Variants in PBX1 observed in about 807,000 individuals in gnomAD.
The protein encoded by PBX1 is PBX homeobox 1.
A neutral mutation model predicts 53.4 loss-of-function variants in PBX1; 6 were observed. That is an observed-to-expected ratio of 0.11 (90% CI 0.06 to 0.22). The LOEUF (loss-of-function observed/expected upper bound fraction) is 0.22, where lower values mean the gene tolerates loss of function less well. PBX1 is among the 10% of genes least tolerant of loss of function. The pLI is 1.00. For missense variants in PBX1, 251 were observed against 551.4 expected, an observed-to-expected ratio of 0.46 and a Z score of 5.46; for synonymous variants, 204 against 212.3, an observed-to-expected ratio of 0.96 and a Z score of 0.34.
intron 2 of PBX1, among the ~76,000 whole-genome samples, chr1:164,649,984 A>T (rs894181575): frequency 3.9e-5 from 6 of 152,178 alleles, no homozygotes; most frequent in African/African-American, 1.4e-4. Context: ...TTGCTTACCA[A>T]ACTCCTCTCT....
intron 2 of PBX1, among the ~76,000 whole-genome samples, chr1:164,688,673 C>T (rs1056509330): frequency 2.6e-5 from 4 of 152,090 alleles, no homozygotes; most frequent in Non-Finnish European, 5.9e-5. Context: ...GACACATGAC[C>T]CTAACAACAC....
At chr1:164,687,955 G>T (rs1662220656) in intron 2 of PBX1, among the ~76,000 whole-genome samples, 1 of 152,168 alleles carries the variant, frequency 6.6e-6, no homozygotes, top group Non-Finnish European at 1.5e-5. Flanking sequence ...CCCTGCAGTG[G>T]AGACCTATTT....
At chr1:164,780,521 G>T (rs1423456454) in intron 2 of PBX1, among the ~76,000 whole-genome samples, 1 of 152,034 alleles carries the variant, frequency 6.6e-6, no homozygotes, top group Admixed American at 6.6e-5. Flanking sequence ...GTAAATTTCA[G>T]CCCCTTAGAC....
chr1:164,580,576 C>G (rs1447839848), intron 2 of PBX1, among the ~76,000 whole-genome samples: 1 of 151,776 alleles, frequency 6.6e-6, no homozygotes, highest in Non-Finnish European at 1.5e-5. Flanking sequence ...CCACCATTCC[C>G]AGCCAAGTTT....
At chr1:164,663,661 C>T (rs1660645507) in intron 2 of PBX1, among the ~76,000 whole-genome samples, 1 of 152,194 alleles carries the variant, frequency 6.6e-6, no homozygotes. Flanking sequence ...TCATCAAACA[C>T]CTTTTTGAGT....
intron 2 of PBX1, among the ~76,000 whole-genome samples, chr1:164,620,762 A>G (rs371728649): frequency 1.8e-4 from 28 of 151,964 alleles, no homozygotes; most frequent in African/African-American, 6.8e-4. Context: ...GCCTCACTGC[A>G]ACCTCTGCCT....
At chr1:164,773,440 G>T (rs1667486415) in intron 2 of PBX1, among the ~76,000 whole-genome samples, 1 of 152,150 alleles carries the variant, frequency 6.6e-6, no homozygotes, top group Admixed American at 6.5e-5. Context: ...CAATTAAATT[G>T]TTTTGAAAAT....
chr1:164,799,981 C>G (rs1377456158), intron 4 of PBX1, 92 bp downstream of exon 4: 2 of 1,228,914 alleles, frequency 1.6e-6, no homozygotes, highest in Non-Finnish European at 2.3e-6. Flanking sequence ...GCTCTAGTTT[C>G]ACCCCATCAA....
intron 2 of PBX1, chr1:164,625,809 TAA>T (rs200931470): frequency 0.021 from 5,863 of 284,474 alleles, no homozygotes; most frequent in East Asian, 0.041. Context: ...TGATGGGATT[TAA>T]AAAAAAAAAA....
At chr1:164,720,761 G>T (rs1557965242) in intron 2 of PBX1, among the ~76,000 whole-genome samples, 1 of 152,172 alleles carries the variant, frequency 6.6e-6, no homozygotes, top group Non-Finnish European at 1.5e-5. Context: ...AATAGCAGTG[G>T]CGTTTGGGCA....
chr1:164,599,750 C>T (rs1656034449), intron 2 of PBX1, among the ~76,000 whole-genome samples: 1 of 152,186 alleles, frequency 6.6e-6, no homozygotes, highest in Non-Finnish European at 1.5e-5. Context: ...AAGCCTACTG[C>T]TGGAGTGAAA....
At chr1:164,864,697 T>G (rs1672177189) in intron 2 of PBX1, among the ~76,000 whole-genome samples, 1 of 152,130 alleles carries the variant, frequency 6.6e-6, no homozygotes, top group African/African-American at 2.4e-5. Flanking sequence ...GCCTGGCCTA[T>G]CCCAGGGCAG....
intron 2 of PBX1, among the ~76,000 whole-genome samples, chr1:164,721,428 A>AGTGT (rs112904192): frequency 3.1e-4 from 46 of 149,442 alleles, no homozygotes; most frequent in Non-Finnish European, 4.6e-4. Flanking sequence ...GTGGCAGTGT[A>AGTGT]GTGTGTGTGT....
intron 2 of PBX1, among the ~76,000 whole-genome samples, chr1:164,723,375 C>T (rs550753203): frequency 3.3e-5 from 5 of 152,134 alleles, no homozygotes; most frequent in Admixed American, 6.5e-5. Context: ...GTGAACCCTT[C>T]CCAGAAGCTG....
intron 2 of PBX1, among the ~76,000 whole-genome samples, chr1:164,858,474 C>G (rs1253992092): frequency 6.6e-6 from 1 of 151,862 alleles, no homozygotes; most frequent in African/African-American, 2.4e-5. Flanking sequence ...CACACACACA[C>G]ACACGCTGTG....
chr1:164,632,683 ATATC>A (rs1397721563), intron 2 of PBX1, among the ~76,000 whole-genome samples: 5 of 152,116 alleles, frequency 3.3e-5, no homozygotes, highest in African/African-American at 1.2e-4. Flanking sequence ...CAGCACACTT[ATATC>A]TAGGCTTTTA....
At chr1:164,725,325 G>T (rs1664640477) in intron 2 of PBX1, among the ~76,000 whole-genome samples, 3 of 152,090 alleles carry the variant, frequency 2.0e-5, no homozygotes, top group Non-Finnish European at 4.4e-5. Context: ...ATGTTTATTT[G>T]TCCCTCACAT....
intron 2 of PBX1, among the ~76,000 whole-genome samples, chr1:164,786,720 T>TGTGCGTGCGCGC (rs1357886882): frequency 8.6e-6 from 1 of 116,256 alleles, no homozygotes; most frequent in African/African-American, 3.5e-5. Flanking sequence ...TGTGTGTGTG[T>TGTGCGTGCGCGC]GCGCGCGCAC....
At chr1:164,593,693 T>G (rs1655562353) in intron 2 of PBX1, among the ~76,000 whole-genome samples, 1 of 152,354 alleles carries the variant, frequency 6.6e-6, no homozygotes, top group South Asian at 2.1e-4. Flanking sequence ...TTTTCTTCCT[T>G]TTTTAGTTTT....
Sources: gnomAD v4.1 joint callset for allele counts (sites outside exome capture counted in the v4.1 genomes callset) on GRCh38, gnomAD v4.1.1 for gene constraint, MANE v1.5 for transcripts, NCBI Gene and HGNC (gene_info 2026-07-23, HGNC 2026-07-21) for gene names.